CTNND2: variants seen among roughly 807,000 people sequenced by gnomAD.
The protein encoded by CTNND2 is catenin delta 2.
In CTNND2, 22 loss-of-function variants were observed where a neutral mutation model predicts 144.4. The ratio of observed to expected loss-of-function variants is 0.15; its 90% CI spans 0.11 to 0.22. The LOEUF is 0.22. Ranked by LOEUF, CTNND2 falls within the 10% of genes least tolerant of loss-of-function variation. The pLI is 1.00. For missense variants in CTNND2, 1,353 were observed against 1,618.8 expected, an observed-to-expected ratio of 0.84 and a Z score of 2.82; for synonymous variants, 751 against 695.6, an observed-to-expected ratio of 1.08 and a Z score of -1.25.
At chr5:11,145,082 AG>A (rs1347571982) in intron 12 of CTNND2, among the ~76,000 whole-genome samples, 1 of 152,176 alleles carries the variant, frequency 6.6e-6, no homozygotes. Context: ...GCAACATTTA[AG>A]GGGGTGCTGA....
chr5:11,397,376 G>T (rs1760242156), intron 5 of CTNND2, among the ~76,000 whole-genome samples, 173 bp from the exon 6 acceptor site: 1 of 141,350 alleles, frequency 7.1e-6, no homozygotes, highest in Non-Finnish European at 1.5e-5. Context: ...TCTCAGATGA[G>T]ATTTTTTATT....
In CTNND2 at chr5:11,571,688, G is replaced by T. The variant is rs146036020; in HGVS notation, c.175-6632C>A. 1.1e-4 allele frequency among the ~76,000 whole-genome samples: 17 copies of T among 152,156 alleles called. No homozygotes were observed. In the East Asian group the frequency reaches 3.3e-3, roughly 29 times the overall value. On this transcript the variant is annotated intron_variant, in intron 2 of 21. Coordinates refer to ENST00000304623, the MANE Select transcript of CTNND2 (RefSeq NM_001332.4). The stretch of plus-strand genomic sequence containing the variant: ...GCACCCACACCCCGCACCTTCGAGA[G>T]ATTTTCCTGTGTAAATTGGTCTACG...
chr5:11,084,104 G>T (rs1254876006), intron 15 of CTNND2: 2 of 270,566 alleles, frequency 7.4e-6, no homozygotes. Context: ...CCTTGAGGGG[G>T]TAGGGAGCAG....
chr5:11,858,369 G>C (rs1425685902), intron 1 of CTNND2, among the ~76,000 whole-genome samples: 1 of 152,124 alleles, frequency 6.6e-6, no homozygotes, highest in Non-Finnish European at 1.5e-5. Context: ...GGGGTGAGGG[G>C]GTGGAAGGTC....
intron 2 of CTNND2, among the ~76,000 whole-genome samples, chr5:11,704,347 G>A (rs181476194): frequency 1.5e-3 from 235 of 152,318 alleles, no homozygotes; most frequent in African/African-American, 5.0e-3. Flanking sequence ...GAGAGCTGAA[G>A]TAACACATAC....
rs1328457496 is a variant in CTNND2 at position 11,788,480 on chromosome 5, T to C, written c.38-56208A>G. 3.9e-5 allele frequency among the ~76,000 whole-genome samples: 6 copies of C among 152,200 alleles called. No homozygotes were observed. The East Asian group carries it at 1.2e-3, about 29-fold the overall frequency. On this transcript the variant is annotated intron_variant, in intron 1 of 21. Transcript: ENST00000304623. ...AATCTAATATTACTTTACTTTTCCA[T>C]ATAGACAGCCAAAGATACCACATTA...
At chr5:11,257,821 T>G (rs1446274056) in intron 9 of CTNND2, among the ~76,000 whole-genome samples, 1 of 152,184 alleles carries the variant, frequency 6.6e-6, no homozygotes, top group African/African-American at 2.4e-5. Context: ...GAATGACTAT[T>G]TTCTGCTGGC....
At chr5:11,452,852 T>C (rs1364066145) in intron 3 of CTNND2, among the ~76,000 whole-genome samples, 2 of 152,220 alleles carry the variant, frequency 1.3e-5, no homozygotes, top group East Asian at 3.8e-4. Context: ...CTGAAGTACA[T>C]AGGTTTGCGA....
chr5:11,495,996 C>A (rs1009483365), intron 3 of CTNND2, among the ~76,000 whole-genome samples: 1 of 152,130 alleles, frequency 6.6e-6, no homozygotes, highest in African/African-American at 2.4e-5. Flanking sequence ...AATTCTTCTC[C>A]TTTCCTCACC....
chr5:11,504,287 A>C (rs1395311555), intron 3 of CTNND2, among the ~76,000 whole-genome samples: 6 of 152,244 alleles, frequency 3.9e-5, no homozygotes, highest in South Asian at 2.1e-4. Flanking sequence ...GCTGCTGATG[A>C]TGATGACGAC....
At chr5:11,582,670 T>C (rs1778526218) in intron 2 of CTNND2, among the ~76,000 whole-genome samples, 1 of 152,210 alleles carries the variant, frequency 6.6e-6, no homozygotes, top group Non-Finnish European at 1.5e-5. Context: ...GGTTTACATA[T>C]AGAAATATTC....
chr5:11,388,896 T>A (rs1175385378), intron 6 of CTNND2, among the ~76,000 whole-genome samples: 5 of 152,250 alleles, frequency 3.3e-5, no homozygotes. Context: ...GCAAATCTGA[T>A]TTTAAAGTTA....
At chr5:11,691,142 C>T (rs549319252) in intron 2 of CTNND2, among the ~76,000 whole-genome samples, 8 of 152,030 alleles carry the variant, frequency 5.3e-5, no homozygotes, top group African/African-American at 7.2e-5. Flanking sequence ...GAGGCCGAGG[C>T]GGGTGGATCA....
intron 2 of CTNND2, among the ~76,000 whole-genome samples, chr5:11,708,538 A>G (rs1401833825): frequency 3.3e-5 from 5 of 152,148 alleles, no homozygotes; most frequent in Non-Finnish European, 7.3e-5. Context: ...GGATGTATCC[A>G]TTTGCACAAC....
chr5:11,789,449 T>G (rs1282716840), intron 1 of CTNND2, among the ~76,000 whole-genome samples: 1 of 152,198 alleles, frequency 6.6e-6, no homozygotes, highest in African/African-American at 2.4e-5. Context: ...GTTTTGCATA[T>G]TTTTGTTAGG....
rs186624860 is a variant in CTNND2 at position 11,898,069 on chromosome 5, G to A, written c.37+5748C>T. On this transcript the variant is annotated intron_variant, in intron 1 of 21. Transcript: ENST00000304623. ...GCTCAGAAAAAGCTCTGTCCCTGTG[G>A]GGAGGGAGGAGGGAAAGAAGGCAGA... 1.5e-4 allele frequency among the ~76,000 whole-genome samples: 23 copies of A among 152,306 alleles called. 1 individual carries two copies. In the East Asian group the frequency reaches 3.5e-3, roughly 23 times the overall value.
chr5:11,288,562 T>C (rs1057063550), intron 9 of CTNND2, among the ~76,000 whole-genome samples: 2 of 152,142 alleles, frequency 1.3e-5, no homozygotes, highest in Non-Finnish European at 2.9e-5. Flanking sequence ...TCTTTTGATA[T>C]ATCTAGCTCT....
At chr5:11,439,066 C>T (rs570035375) in intron 3 of CTNND2, among the ~76,000 whole-genome samples, 3 of 152,076 alleles carry the variant, frequency 2.0e-5, no homozygotes, top group Admixed American at 6.6e-5. Context: ...ACGCATTCTC[C>T]GACATATCAA....
At chr5:10,985,951 C>T (rs1737884504) in intron 20 of CTNND2, among the ~76,000 whole-genome samples, 1 of 152,206 alleles carries the variant, frequency 6.6e-6, no homozygotes, top group Admixed American at 6.5e-5. Flanking sequence ...TCACTACCAC[C>T]ACCACCACCA....
Sources: allele counts gnomAD v4.1 joint callset (sites outside exome capture counted in the v4.1 genomes callset), GRCh38; gene constraint gnomAD v4.1.1; transcripts MANE v1.5; gene names NCBI Gene and HGNC (gene_info 2026-07-23, HGNC 2026-07-21).